The following CWC27 variants were observed in gnomAD, a reference collection of about 807,000 sequenced individuals.
The protein encoded by CWC27 is spliceosome-associated protein CWC27 homolog.
A neutral mutation model predicts 63.6 loss-of-function variants in CWC27; 47 were observed. The ratio of observed to expected loss-of-function variants is 0.74; its 90% confidence interval spans 0.58 to 0.94. The LOEUF is 0.94. CWC27 is among the 40% of genes least tolerant of loss of function. The pLI, the probability that CWC27 is intolerant of heterozygous loss-of-function variation, is 0.00. For synonymous variants in CWC27, 175 were observed against 179.8 expected (o/e 0.97, Z 0.22); for missense variants, 495 against 554.3 (o/e 0.89, Z 1.07).
At chr5:64,869,569 T>C (rs567086860) in intron 10 of CWC27, among the ~76,000 whole-genome samples, 1 of 152,030 alleles carries the variant, frequency 6.6e-6, no homozygotes, top group South Asian at 2.1e-4. Flanking sequence ...TCTACAGCAG[T>C]GACCTAGGAA....
chr5:64,979,806 G>C (rs1201105866), intron 13 of CWC27, among the ~76,000 whole-genome samples: 2 of 151,986 alleles, frequency 1.3e-5, no homozygotes, highest in African/African-American at 4.8e-5. Context: ...CACATTGAGG[G>C]ATCATTTTCA....
chr5:64,958,725 C>G (rs773149695), intron 11 of CWC27, among the ~76,000 whole-genome samples: 1 of 152,014 alleles, frequency 6.6e-6, no homozygotes, highest in Non-Finnish European at 1.5e-5. Context: ...CTCAAATTCT[C>G]TAATGGAAAA....
At chr5:64,961,376 G>A (rs1263215029) in intron 11 of CWC27, among the ~76,000 whole-genome samples, 1 of 152,016 alleles carries the variant, frequency 6.6e-6, no homozygotes, top group African/African-American at 2.4e-5. Context: ...TTATAGTGAT[G>A]TTGGACATTT....
At chr5:64,788,897 A>C in intron 6 of CWC27, 54 bp from the exon 7 acceptor site, 1 of 1,210,108 alleles carries the variant, frequency 8.3e-7, no homozygotes, top group South Asian at 1.4e-5. Context: ...GGTATTTATA[A>C]GTTTGATTTG....
chr5:64,913,027 G>T (rs115900504), intron 11 of CWC27, among the ~76,000 whole-genome samples: 4,205 of 152,106 alleles, frequency 0.028, 132 homozygotes, highest in African/African-American at 0.078. Context: ...ATTAAATGAG[G>T]CAATATTTTA....
chr5:64,927,575 C>T (rs1324987894), intron 11 of CWC27, among the ~76,000 whole-genome samples: 2 of 152,182 alleles, frequency 1.3e-5, no homozygotes. Context: ...TAAGGCTAAT[C>T]ACCCACCCCA....
rs70983650 is a variant in CWC27, at chr5:64,776,068, C to CGAGAGAGAGAGAGAGAGAGA, written c.139+1316_139+1335dup. Among the ~76,000 whole-genome samples the CGAGAGAGAGAGAGAGAGAGA allele has an allele frequency of 1.7e-4, 18 of 108,634 alleles. 2 individuals carry two copies. The highest frequency in any genetic ancestry group is 6.4e-4 in the African/African-American group (17 of 26,614). The allele number at this position is 108,634 out of a possible 152,430, so 71.3% of individuals were successfully genotyped here. A position where few individuals can be genotyped will look rare whatever the true frequency, so the allele number is the denominator to read the frequency against. ...AAGAGAGAGGTGGGGAGGAGTGGAG[C>CGAGAGAGAGAGAGAGAGAGA]GAGAGAGAGAGAGAGAGAGAGAGAG... On this transcript the variant is annotated intron_variant, in intron 2 of 13. Coordinates refer to ENST00000381070, the MANE Select transcript of CWC27 (RefSeq NM_005869.4).
intron 10 of CWC27, among the ~76,000 whole-genome samples, chr5:64,814,139 A>G (rs1405118433): frequency 6.6e-6 from 1 of 151,548 alleles, no homozygotes; most frequent in African/African-American, 2.4e-5. Context: ...TGTGTGCCCC[A>G]AGACAACTCT....
chr5:64,941,641 T>C (rs981509984), intron 11 of CWC27, among the ~76,000 whole-genome samples: 2 of 152,134 alleles, frequency 1.3e-5, no homozygotes, highest in African/African-American at 2.4e-5. Flanking sequence ...TCCTTTTTAT[T>C]TTCTGAACAT....
chr5:64,793,912 A>G (rs1744165879), intron 7 of CWC27, among the ~76,000 whole-genome samples: 1 of 152,160 alleles, frequency 6.6e-6, no homozygotes, highest in South Asian at 2.1e-4. Flanking sequence ...TTTATGGATT[A>G]TCAGTGTGGG....
At chr5:64,834,546 T>G (rs950998894) in intron 10 of CWC27, among the ~76,000 whole-genome samples, 1 of 151,722 alleles carries the variant, frequency 6.6e-6, no homozygotes, top group South Asian at 2.1e-4. Flanking sequence ...TCTTGTTAGT[T>G]TGGCCAAAAG....
At chr5:64,829,587 C>G (rs1745457591) in intron 10 of CWC27, among the ~76,000 whole-genome samples, 1 of 150,942 alleles carries the variant, frequency 6.6e-6, no homozygotes, top group Non-Finnish European at 1.5e-5. Context: ...CTGACAATAA[C>G]TTCAATGCTG....
chr5:64,977,292 G>A (rs1749244639), intron 13 of CWC27, 54 bp downstream of exon 13: 1 of 1,215,138 alleles, frequency 8.2e-7, no homozygotes. Context: ...TCAGAGCAGA[G>A]ACACTACTGG....
At chr5:64,988,627 G>T (rs1411607773) in intron 13 of CWC27, among the ~76,000 whole-genome samples, 1 of 150,436 alleles carries the variant, frequency 6.6e-6, no homozygotes. Flanking sequence ...TTTTGAGACG[G>T]GGTTTTACTC....
At chr5:64,834,284 C>T (rs1745601203) in intron 10 of CWC27, among the ~76,000 whole-genome samples, 1 of 151,600 alleles carries the variant, frequency 6.6e-6, no homozygotes. Context: ...CTGATTTGAA[C>T]TTTCAGTGAA....
intron 13 of CWC27, among the ~76,000 whole-genome samples, chr5:64,986,396 G>T (rs1221654381): frequency 6.6e-6 from 1 of 152,058 alleles, no homozygotes; most frequent in African/African-American, 2.4e-5. Flanking sequence ...CTTGGTCATG[G>T]TATATAATTC....
intron 10 of CWC27, among the ~76,000 whole-genome samples, chr5:64,809,253 G>A (rs181134486): frequency 4.3e-4 from 65 of 152,280 alleles, no homozygotes; most frequent in Admixed American, 3.7e-3. Context: ...GCTAATTAAC[G>A]TATTTATCCA....
At chr5:64,862,408 A>G (rs1355707124) in intron 10 of CWC27, among the ~76,000 whole-genome samples, 1 of 152,224 alleles carries the variant, frequency 6.6e-6, no homozygotes, top group Non-Finnish European at 1.5e-5. Context: ...TCATATACTT[A>G]TCACTTGGAT....
At chr5:64,874,472 T>A (rs1249655413) in intron 10 of CWC27, among the ~76,000 whole-genome samples, 1 of 151,760 alleles carries the variant, frequency 6.6e-6, no homozygotes. Flanking sequence ...CCGATGCTTT[T>A]TTTTGTTTGT....
Sources: allele counts gnomAD v4.1 joint callset (sites outside exome capture counted in the v4.1 genomes callset), GRCh38; gene constraint gnomAD v4.1.1; transcripts MANE v1.5; gene names NCBI Gene and HGNC (gene_info 2026-07-23, HGNC 2026-07-21).